The following PPM1E variants were observed in gnomAD, a reference collection of about 807,000 sequenced individuals.
The protein encoded by PPM1E is protein phosphatase 1E.
In PPM1E, 20 loss-of-function variants were observed where a neutral mutation model predicts 65.9. That is an observed-to-expected ratio of 0.30 (90% confidence interval 0.21 to 0.44). PPM1E has a LOEUF of 0.44. Ranked by LOEUF, PPM1E falls within the 20% of genes least tolerant of loss-of-function variation. The pLI is 1.00. For missense variants in PPM1E, 713 were observed against 953.1 expected (o/e 0.75, Z 3.32); for synonymous variants, 352 against 374.9 (o/e 0.94, Z 0.70).
At chr17:58,867,272 C>T (rs1054722828) in intron 1 of PPM1E, among the ~76,000 whole-genome samples, 1 of 152,204 alleles carries the variant, frequency 6.6e-6, no homozygotes, top group Non-Finnish European at 1.5e-5. Context: ...GCCATCGCGC[C>T]CTGCCTGGAT....
chr17:58,761,625 T>A (rs1213998292), intron 1 of PPM1E, among the ~76,000 whole-genome samples: 1 of 152,154 alleles, frequency 6.6e-6, no homozygotes, highest in Non-Finnish European at 1.5e-5. Flanking sequence ...GTTCCCCCAA[T>A]AGCCACTCCC....
intron 1 of PPM1E, among the ~76,000 whole-genome samples, chr17:58,830,438 G>T (rs187789199): frequency 6.6e-6 from 1 of 151,704 alleles, no homozygotes; most frequent in Admixed American, 6.6e-5. Context: ...CTCCCGAGTA[G>T]CTGGGACTAC....
At chr17:58,772,355 C>T (rs778095338) in intron 1 of PPM1E, among the ~76,000 whole-genome samples, 8 of 151,858 alleles carry the variant, frequency 5.3e-5, no homozygotes, top group Non-Finnish European at 1.2e-4. Context: ...ACTCAGGAGG[C>T]TGAGGCAGGA....
intron 1 of PPM1E, among the ~76,000 whole-genome samples, chr17:58,830,534 G>A (rs902519868): frequency 4.0e-5 from 6 of 151,164 alleles, no homozygotes; most frequent in Admixed American, 2.0e-4. Context: ...TCTCAATCTC[G>A]TGACCTTGTG....
chr17:58,934,398 T>C (rs2051948130), intron 1 of PPM1E, among the ~76,000 whole-genome samples: 1 of 152,214 alleles, frequency 6.6e-6, no homozygotes, highest in Non-Finnish European at 1.5e-5. Flanking sequence ...AAGATTATGT[T>C]ACATGGTACA....
intron 1 of PPM1E, among the ~76,000 whole-genome samples, chr17:58,822,934 C>G (rs2050495159): frequency 6.6e-6 from 1 of 152,090 alleles, no homozygotes; most frequent in Non-Finnish European, 1.5e-5. Flanking sequence ...GCGCCATTCT[C>G]TCCTCTTTGT....
intron 1 of PPM1E, among the ~76,000 whole-genome samples, chr17:58,860,641 A>G (rs1176634966): frequency 6.6e-6 from 1 of 152,228 alleles, no homozygotes; most frequent in East Asian, 1.9e-4. Flanking sequence ...TACTAGCATT[A>G]AAGCTAACAT....
chr17:58,764,824 C>T (rs965901574), intron 1 of PPM1E, among the ~76,000 whole-genome samples: 2 of 152,040 alleles, frequency 1.3e-5, no homozygotes, highest in Non-Finnish European at 2.9e-5. Flanking sequence ...AAACTCCTGG[C>T]CTCAAGTAAT....
At chr17:58,889,138 TC>T (rs965004469) in intron 1 of PPM1E, among the ~76,000 whole-genome samples, 7 of 152,320 alleles carry the variant, frequency 4.6e-5, no homozygotes, top group Admixed American at 4.6e-4. Context: ...GTTCTACTTT[TC>T]TATAAAGGTT....
At position 58,906,521 on chromosome 17, in the gene PPM1E, A is replaced by G. The variant is rs568790923; in HGVS notation, c.465-49128A>G. ...TCCAGCTAATTTTTGTATTTTTTGT[A>G]TAGACAGGGTTTTGCCATGTTGGCC... On this transcript the variant is annotated intron_variant, in intron 1 of 6. Transcript: ENST00000308249. 4.6e-4 allele frequency among the ~76,000 whole-genome samples: 70 copies of G among 152,046 alleles called. 1 individual carries two copies. The highest frequency in any genetic ancestry group is 1.7e-3 in the African/African-American group (69 of 41,512).
At chr17:58,842,278 T>G (rs1469883875) in intron 1 of PPM1E, among the ~76,000 whole-genome samples, 1 of 152,098 alleles carries the variant, frequency 6.6e-6, no homozygotes, top group African/African-American at 2.4e-5. Flanking sequence ...ACGCGACAAG[T>G]AAACGTAATA....
At chr17:58,832,328 A>G (rs1285683909) in intron 1 of PPM1E, among the ~76,000 whole-genome samples, 1 of 152,166 alleles carries the variant, frequency 6.6e-6, no homozygotes, top group Non-Finnish European at 1.5e-5. Context: ...CACAGACTAG[A>G]GTAAATTATT....
intron 1 of PPM1E, among the ~76,000 whole-genome samples, chr17:58,759,445 T>C (rs2049802028): frequency 6.6e-6 from 1 of 152,246 alleles, no homozygotes; most frequent in African/African-American, 2.4e-5. Context: ...ACAGGAGATG[T>C]GAATATAAGG....
chr17:58,958,287 T>C (rs1186477236), intron 2 of PPM1E, among the ~76,000 whole-genome samples: 1 of 151,998 alleles, frequency 6.6e-6, no homozygotes, highest in Non-Finnish European at 1.5e-5. Flanking sequence ...CACAGTTCAC[T>C]GAAGCCTCTA....
At chr17:58,777,536 G>GT (rs1424271786) in intron 1 of PPM1E, among the ~76,000 whole-genome samples, 3 of 152,060 alleles carry the variant, frequency 2.0e-5, no homozygotes, top group African/African-American at 7.2e-5. Flanking sequence ...TACCCAAGGT[G>GT]TTTAAGTGTT....
chr17:58,841,199 G>T (rs1298070953), intron 1 of PPM1E, among the ~76,000 whole-genome samples: 1 of 152,146 alleles, frequency 6.6e-6, no homozygotes, highest in Non-Finnish European at 1.5e-5. Flanking sequence ...TTTCCATATG[G>T]AATAATGCTA....
intron 1 of PPM1E, among the ~76,000 whole-genome samples, chr17:58,888,770 A>G (rs1011611444): frequency 2.6e-5 from 4 of 152,230 alleles, no homozygotes; most frequent in African/African-American, 9.6e-5. Context: ...AGTTTCTGCA[A>G]ATTATCTTCC....
intron 1 of PPM1E, among the ~76,000 whole-genome samples, chr17:58,821,085 T>G (rs1313694892): frequency 6.6e-6 from 1 of 151,928 alleles, no homozygotes; most frequent in Non-Finnish European, 1.5e-5. Flanking sequence ...CAGCTTAGCT[T>G]TGTATTTTTG....
chr17:58,775,952 A>G (rs1408554119), intron 1 of PPM1E, among the ~76,000 whole-genome samples: 2 of 149,148 alleles, frequency 1.3e-5, no homozygotes, highest in Admixed American at 6.7e-5. Context: ...AAAAAAAAGA[A>G]TAGTTGGATT....
Sources: gnomAD v4.1 joint callset for allele counts (sites outside exome capture counted in the v4.1 genomes callset) on GRCh38, gnomAD v4.1.1 for gene constraint, MANE v1.5 for transcripts, NCBI Gene and HGNC (gene_info 2026-07-23, HGNC 2026-07-21) for gene names.